The following UNC5D variants were observed in gnomAD, a reference collection of about 807,000 sequenced individuals.
UNC5D encodes netrin receptor UNC5D.
In UNC5D, 39 loss-of-function variants were observed where a neutral mutation model predicts 105.4. The ratio of observed to expected loss-of-function variants is 0.37; its 90% CI spans 0.29 to 0.48. The LOEUF is 0.48. UNC5D is among the 20% of genes least tolerant of loss of function. The pLI is 0.98. For synonymous variants in UNC5D, 452 were observed against 450.4 expected (o/e 1.00, Z -0.04); for missense variants, 991 against 1,202.4 (o/e 0.82, Z 2.60).
chr8:35,549,484 C>T lies in UNC5D; in HGVS notation c.296C>T (p.Ser99Phe), dbSNP rs1373622661. The part of the protein sequence containing the change: ...GEWVHQNEHV[S>F]EETLDESSGL... Reference sequence around the variant, plus strand: ...TGGGTCCATCAGAACGAGCACGTCTCTGAAGAGACTCTGGACGAGAGCTCA... The same window carrying T: ...TGGGTCCATCAGAACGAGCACGTCTTTGAAGAGACTCTGGACGAGAGCTCA... The change falls in exon 2 of 17, where the codon TCT (serine) becomes TTT (phenylalanine). Residue 99 changes from serine to phenylalanine, a missense_variant. Around this residue, in one of 3 missense-constraint regions of UNC5D, gnomAD observed 944 missense variants for 1,131.6 expected, o/e 0.83. Transcript: ENST00000404895. 1 of 1,612,104 alleles carries T rather than the reference C, an allele frequency of 6.2e-7. No individual in the cohort carries two copies. Among genetic ancestry groups the T allele is most frequent in the East Asian group, 2.2e-5 (1 of 44,882 alleles).
intron 1 of UNC5D, among the ~76,000 whole-genome samples, chr8:35,272,525 C>T (rs146652177): frequency 1.2e-4 from 19 of 152,238 alleles, no homozygotes; most frequent in East Asian, 1.9e-4. Flanking sequence ...GGCAAGTGCC[C>T]GGGACTTGAA....
chr8:35,558,972 ACT>A (rs1019001048), intron 2 of UNC5D, among the ~76,000 whole-genome samples: 1 of 151,552 alleles, frequency 6.6e-6, no homozygotes, highest in Admixed American at 6.6e-5. Context: ...ACAGAACAAG[ACT>A]CTGTCTCCAG....
chr8:35,584,517 C>T (rs747494251), intron 3 of UNC5D, among the ~76,000 whole-genome samples: 6 of 152,058 alleles, frequency 3.9e-5, no homozygotes, highest in Non-Finnish European at 5.9e-5. Flanking sequence ...TGGGCCCACA[C>T]GATTCTCCTG....
chr8:35,584,806 A>G (rs2130856585), intron 3 of UNC5D, among the ~76,000 whole-genome samples: 1 of 152,134 alleles, frequency 6.6e-6, no homozygotes, highest in African/African-American at 2.4e-5. Context: ...TGTAAGACAC[A>G]GTTGTATTGT....
rs1563571166 is a variant in UNC5D at position 35,595,585 on chromosome 8, A to G, written c.498A>G (p.Gln166=). Residue 166 remains glutamine, a synonymous_variant, in exon 4 of 17, where the codon CAA becomes CAG. Transcript: ENST00000404895. ...YLRKNFEQDP[Q]GREVPIEGMI... The stretch of plus-strand genomic sequence containing the variant: ...GGAAAAACTTTGAACAAGACCCACA[A>G]GGAAGGGAAGTTCCCATTGAAGGCA... The G allele has an allele frequency of 2.5e-6, 4 of 1,614,010 alleles. No homozygotes were observed. The highest frequency in any genetic ancestry group is 3.3e-5 in the Admixed American group (2 of 59,996).
chr8:35,260,457 A>T (rs1804406825), intron 1 of UNC5D, among the ~76,000 whole-genome samples: 1 of 152,080 alleles, frequency 6.6e-6, no homozygotes, highest in Non-Finnish European at 1.5e-5. Flanking sequence ...GAAGGGTTTT[A>T]TTTATGCTTA....
chr8:35,504,426 C>T (rs980017400), intron 1 of UNC5D, among the ~76,000 whole-genome samples: 2 of 152,102 alleles, frequency 1.3e-5, no homozygotes, highest in African/African-American at 2.4e-5. Context: ...TTGGGAATAC[C>T]CAGAAGTATT....
intron 1 of UNC5D, among the ~76,000 whole-genome samples, chr8:35,511,742 T>TA (rs113992530): frequency 0.024 from 3,256 of 133,192 alleles, 63 homozygotes; most frequent in African/African-American, 0.064. Context: ...AAAAAAAAAT[T>TA]AAAAAAAAAA....
At chr8:35,651,959 T>C (rs1377048633) in intron 4 of UNC5D, among the ~76,000 whole-genome samples, 3 of 152,178 alleles carry the variant, frequency 2.0e-5, no homozygotes, top group African/African-American at 7.2e-5. Context: ...GTGCTTATCT[T>C]TCCTTTCTTG....
intron 1 of UNC5D, among the ~76,000 whole-genome samples, chr8:35,541,898 G>A (rs1815301732): frequency 6.6e-6 from 1 of 152,068 alleles, no homozygotes; most frequent in South Asian, 2.1e-4. Context: ...GGAGAATAAT[G>A]AACGTGCTTT....
chr8:35,377,666 CAA>C (rs1358022736), intron 1 of UNC5D, among the ~76,000 whole-genome samples: 5 of 152,186 alleles, frequency 3.3e-5, no homozygotes, highest in Middle Eastern at 3.4e-3. Context: ...AGAAAGGTGA[CAA>C]TATATATCAG....
chr8:35,722,508 C>T lies in UNC5D; in HGVS notation c.1303+113C>T, dbSNP rs570461286. 2.1e-4 allele frequency: 296 copies of T among 1,379,514 alleles called. 1 individual carries two copies. The African/African-American group carries it at 3.2e-3, about 15-fold the overall frequency. The allele number at this position is 1,379,514 out of a possible 1,614,324, so 85.5% of individuals were successfully genotyped here. On this transcript the variant is annotated intron_variant, in intron 9 of 16. Transcript: ENST00000404895. Reference sequence around the variant, plus strand: ...GAAGGTAGCTCTTGGCACTGGGAGCCGCTACCAAATTGTCTTCACACATGA... The same window carrying T: ...GAAGGTAGCTCTTGGCACTGGGAGCTGCTACCAAATTGTCTTCACACATGA...
intron 8 of UNC5D, among the ~76,000 whole-genome samples, chr8:35,720,701 G>T (rs560096920): frequency 6.6e-6 from 1 of 152,296 alleles, no homozygotes; most frequent in East Asian, 1.9e-4. Flanking sequence ...TGGAGAAGTA[G>T]GCTCCATTCC....
chr8:35,429,103 T>C (rs1806451381), intron 1 of UNC5D, among the ~76,000 whole-genome samples: 1 of 152,172 alleles, frequency 6.6e-6, no homozygotes, highest in Admixed American at 6.5e-5. Flanking sequence ...TTCATTTAAA[T>C]TGTATAGAAC....
At chr8:35,287,585 G>A (rs562442231) in intron 1 of UNC5D, among the ~76,000 whole-genome samples, 1 of 151,696 alleles carries the variant, frequency 6.6e-6, no homozygotes, top group Admixed American at 6.6e-5. Flanking sequence ...TTTGAGTCCA[G>A]GAGTTCAAGA....
At chr8:35,464,252 G>A (rs1398939297) in intron 1 of UNC5D, among the ~76,000 whole-genome samples, 3 of 152,010 alleles carry the variant, frequency 2.0e-5, no homozygotes, top group South Asian at 2.1e-4. Context: ...GCTTGAACCT[G>A]GGAGGCGGAG....
chr8:35,404,209 C>A (rs541675959), intron 1 of UNC5D, among the ~76,000 whole-genome samples: 2 of 152,118 alleles, frequency 1.3e-5, no homozygotes, highest in African/African-American at 4.8e-5. Context: ...TGGAGATGGG[C>A]TGGAAGAGGA....
intron 1 of UNC5D, among the ~76,000 whole-genome samples, chr8:35,331,268 T>G (rs961056260): frequency 1.3e-5 from 2 of 152,148 alleles, no homozygotes; most frequent in South Asian, 4.1e-4. Context: ...CGATAAAAAT[T>G]AAAACACATG....
rs535325787 is a variant in UNC5D, at chr8:35,459,826, G to A, written c.104-89466G>A. Among the ~76,000 whole-genome samples the A allele has an allele frequency of 1.1e-4, 16 of 152,158 alleles. No individual in the cohort carries two copies. The South Asian group carries it at 2.3e-3, about 22-fold the overall frequency. ...GTGTTTTGATTTCTAACATATTGTC[G>A]CATATATTTTTAGCTTGATTTTATG... On this transcript the variant is annotated intron_variant, in intron 1 of 16. Transcript: ENST00000404895.
Sources: gnomAD v4.1 joint callset for allele counts (sites outside exome capture counted in the v4.1 genomes callset) on GRCh38, gnomAD v4.1.1 for gene constraint, gnomAD v4.1.1 regional missense constraint, MANE v1.5 for transcripts, NCBI Gene and HGNC (gene_info 2026-07-23, HGNC 2026-07-21) for gene names.